The following ACP2 variants were observed in gnomAD, a reference collection of about 807,000 sequenced individuals.
ACP2 encodes the protein lysosomal acid phosphatase.
Under a neutral mutation model 54.7 loss-of-function variants are expected in ACP2, and 35 were observed. The observed-to-expected ratio is 0.64, with a 90% confidence interval of 0.49 to 0.85. The LOEUF is 0.85. Ranked by LOEUF, ACP2 falls within the 40% of genes least tolerant of loss-of-function variation. The probability of loss-of-function intolerance (pLI) is 0.00; values close to 1 mark genes in which losing one functional copy is unlikely to be tolerated. For missense variants in ACP2, 492 were observed against 565.0 expected (o/e 0.87, Z 1.31); for synonymous variants, 210 against 224.4 (o/e 0.94, Z 0.57).
intron 4 of ACP2, 26 bp from the exon 5 acceptor site, chr11:47,245,598 C>G (rs1300167874): frequency 6.2e-7 from 1 of 1,614,216 alleles, no homozygotes; most frequent in African/African-American, 1.3e-5. Flanking sequence ...GGGAAACAGG[C>G]AGCGGGAAAA....
At chr11:47,246,087 T>C (rs1954069935) in intron 3 of ACP2, among the ~76,000 whole-genome samples, 1 of 152,084 alleles carries the variant, frequency 6.6e-6, no homozygotes, top group Non-Finnish European at 1.5e-5. Flanking sequence ...CCACTGGGGG[T>C]TGTCACCACT....
chr11:47,245,316 G>A lies in ACP2; in HGVS notation c.628C>T (p.Leu210Phe). Residue 210 changes from leucine (L) to phenylalanine (F), a missense_variant, in exon 6 of 11, where the codon CTC (leucine) becomes TTC (phenylalanine). Coordinates refer to ENST00000672073, the MANE Select transcript of ACP2 (RefSeq NM_001610.4). The part of the protein sequence containing the change: ...LETVWNVYDT[L>F]FCEQTHGLRL... ...CCTAGTGGGCTCACCTCACAGAAGAGTGTGTCATAGACATTCCAGACGGTC... is the reference window on the plus strand; with the variant it reads ...CCTAGTGGGCTCACCTCACAGAAGAATGTGTCATAGACATTCCAGACGGTC... The A allele has an allele frequency of 6.2e-7, 1 of 1,614,122 alleles. No homozygotes were observed. The highest frequency in any genetic ancestry group is 8.5e-7 in the Non-Finnish European group (1 of 1,180,022).
chr11:47,244,636 G>T, intron 7 of ACP2, 99 bp downstream of exon 7: 3 of 953,882 alleles, frequency 3.1e-6, no homozygotes, highest in Non-Finnish European at 4.5e-6. Flanking sequence ...AGCAGGGAGT[G>T]TTTCAGTAGA....
intron 1 of ACP2, chr11:47,248,389 TG>T (rs771756838): frequency 5.4e-6 from 8 of 1,488,466 alleles, no homozygotes; most frequent in Admixed American, 2.0e-5. Flanking sequence ...AAGCAACGTA[TG>T]TGGTGGGGAC....
Position 47,242,839 on chromosome 11 carries a change from C to T in ACP2, c.1022G>A (p.Ser341Asn), listed in dbSNP as rs1471614978. The part of the protein sequence containing the change: ...NESDKAPWPL[S>N]LPGCPHRCPL... ...GCAGCGGTGAGGGCAGCCAGGCAGG[C>T]TGAGCGGCCAGGGGGCCTTGTCACT... is the stretch of plus-strand genomic sequence containing the variant. The change falls in exon 10 of 11, where the codon AGC becomes AAC. Residue 341 changes from serine to asparagine, a missense_variant. Coordinates refer to ENST00000672073, the MANE Select transcript of ACP2 (RefSeq NM_001610.4). 6.2e-7 allele frequency: 1 copy of T among 1,614,096 alleles called. No individual in the cohort carries two copies. Among genetic ancestry groups the T allele is most frequent in the Admixed American group, 1.7e-5 (1 of 60,020 alleles).
intron 3 of ACP2, 134 bp from the exon 4 acceptor site, chr11:47,245,968 G>A: frequency 2.9e-6 from 4 of 1,383,062 alleles, no homozygotes; most frequent in Non-Finnish European, 3.8e-6. Flanking sequence ...CCCCAAAGTG[G>A]AGCCCCAGAG....
chr11:47,244,959 T>C, intron 6 of ACP2, 92 bp from the exon 7 acceptor site: 1 of 1,480,802 alleles, frequency 6.8e-7, no homozygotes, highest in South Asian at 1.3e-5. Flanking sequence ...TGCCTGTGTG[T>C]GTGAGGGAGG....
Position 47,247,681 on chromosome 11 carries a change from C to T in ACP2, c.257G>A (p.Arg86His), listed in dbSNP as rs367900188. The T allele has an allele frequency of 2.8e-5, 46 of 1,614,050 alleles. No individual in the cohort carries two copies. The Middle Eastern group carries it at 5.0e-4, about 18-fold the overall frequency. ...HWELGQALRQ[R>H]YHGFLNTSYH... ...AGAGGTGTTTAGGAAGCCGTGATAGCGCTGCCGCAGGGCCTGGCCCAGTTC... is the reference window on the plus strand; with the variant it reads ...AGAGGTGTTTAGGAAGCCGTGATAGTGCTGCCGCAGGGCCTGGCCCAGTTC... The change falls in exon 3 of 11, where the codon CGC becomes CAC. Residue 86 changes from arginine (R) to histidine (H), a missense_variant. Transcript: ENST00000672073.
At position 47,246,195 on chromosome 11, in the gene ACP2, A is replaced by G. The variant is rs1313584266; in HGVS notation, c.298-361T>C. Among the ~76,000 whole-genome samples the G allele has an allele frequency of 3.3e-5, 5 of 152,306 alleles. No individual in the cohort carries two copies. The East Asian group carries it at 7.7e-4, about 24-fold the overall frequency. ...AAGGCTCTCTGGTCTGTCTGGTTTC[A>G]TAACAACACCTCTCTCCCTGTCTAG... On this transcript the variant is annotated intron_variant, in intron 3 of 10. Coordinates refer to ENST00000672073, the MANE Select transcript of ACP2 (RefSeq NM_001610.4).
chr11:47,244,693 G>T, intron 7 of ACP2, 42 bp downstream of exon 7: 1 of 1,503,996 alleles, frequency 6.6e-7, no homozygotes, highest in South Asian at 1.2e-5. Context: ...TAACGCCTTA[G>T]GGTCCTGAGG....
At position 47,240,009 on chromosome 11, in the gene ACP2, G is replaced by T; in HGVS notation, c.*107C>A. On this transcript the variant is annotated 3_prime_UTR_variant, in exon 11 of 11. Transcript: ENST00000672073. ...CATCTGGCTGGGGTCATCAGAGGGA[G>T]GCCCAACCCAGGATCTCCTGTCCAT... The T allele has an allele frequency of 7.7e-6, 10 of 1,301,490 alleles. No individual in the cohort carries two copies. The South Asian group carries it at 1.3e-4, about 17-fold the overall frequency. 80.6% of individuals were successfully genotyped at this position (1,301,490 alleles called of 1,614,324 possible).
intron 5 of ACP2, 25 bp downstream of exon 5, chr11:47,245,449 G>A (rs2135533562): frequency 1.2e-6 from 2 of 1,614,216 alleles, no homozygotes; most frequent in Non-Finnish European, 1.7e-6. Flanking sequence ...ACAGCGTGGT[G>A]AGCTGCACCT....
Position 47,245,059 on chromosome 11 carries a change from A to G in ACP2, c.640-192T>C, listed in dbSNP as rs1954015359. On this transcript the variant is annotated intron_variant, in intron 6 of 10. Coordinates refer to ENST00000672073, the MANE Select transcript of ACP2 (RefSeq NM_001610.4). ...GCACAGGAAAGGAAGCTCAGGCACA[A>G]AAAGTGAGACTCAGCAGAAAGGAGC... is the stretch of plus-strand genomic sequence containing the variant. 3 of 1,122,604 alleles carry G rather than the reference A, an allele frequency of 2.7e-6. No homozygotes were observed. The Admixed American group carries it at 6.6e-5, about 25-fold the overall frequency. The allele number at this position is 1,122,604 out of a possible 1,614,324, so 69.5% of individuals were successfully genotyped here. A position where few individuals can be genotyped will look rare whatever the true frequency, so the allele number is the denominator to read the frequency against.
chr11:47,246,185 G>C (rs1310269351), intron 3 of ACP2, among the ~76,000 whole-genome samples: 2 of 152,178 alleles, frequency 1.3e-5, no homozygotes, highest in Non-Finnish European at 2.9e-5. Flanking sequence ...TCTCTGGTCT[G>C]TCTGGTTTCA....
At chr11:47,245,000 C>T in intron 6 of ACP2, 133 bp from the exon 7 acceptor site, 3 of 1,440,844 alleles carry the variant, frequency 2.1e-6, no homozygotes, top group Non-Finnish European at 2.8e-6. Flanking sequence ...GGGCTGGAAC[C>T]AGTAGACATG....
Position 47,243,219 on chromosome 11 carries a change from T to A in ACP2, c.855+20A>T. On this transcript the variant is annotated intron_variant, in intron 8 of 10. Coordinates refer to ENST00000672073, the MANE Select transcript of ACP2 (RefSeq NM_001610.4). Reference sequence around the variant, plus strand: ...CAGCTCCTTGCCTGACACAGCACGCTAGGGAGCGCAGGCACTCACCGCAGA... The same window carrying A: ...CAGCTCCTTGCCTGACACAGCACGCAAGGGAGCGCAGGCACTCACCGCAGA... 1 of 1,613,834 alleles carries A rather than the reference T, an allele frequency of 6.2e-7. No individual in the cohort carries two copies. The highest frequency in any genetic ancestry group is 1.3e-5 in the African/African-American group (1 of 75,040).
At position 47,243,269 on chromosome 11, in the gene ACP2, G is replaced by A. The variant is rs757428208; in HGVS notation, c.825C>T (p.Ser275=). Residue 275 remains serine, a synonymous_variant, in exon 8 of 11, where the codon TCC becomes TCT. Transcript: ENST00000672073. ...RKNLTLMATT[S]QLPKLLVYSA... ...AGTAAACCAGCAGCTTGGGGAGCTG[G>A]GAGGTGGTCGCCATTAGGGTCAGGT... 1.5e-5 allele frequency: 24 copies of A among 1,614,124 alleles called. No individual in the cohort carries two copies. The highest frequency in any genetic ancestry group is 2.2e-5 in the East Asian group (1 of 44,896).
In ACP2 at chr11:47,247,681, C is replaced by G. The variant is rs367900188; in HGVS notation, c.257G>C (p.Arg86Pro). The G allele has an allele frequency of 6.2e-7, 1 of 1,614,168 alleles. No individual in the cohort carries two copies. The highest frequency in any genetic ancestry group is 8.5e-7 in the Non-Finnish European group (1 of 1,180,050). The change falls in exon 3 of 11, where the codon CGC becomes CCC. Residue 86 changes from arginine (R) to proline (P), a missense_variant. By Grantham distance (103) the Arg-to-Pro change is moderately radical (BLOSUM62 -2). Coordinates refer to ENST00000672073, the MANE Select transcript of ACP2 (RefSeq NM_001610.4). ...AGAGGTGTTTAGGAAGCCGTGATAGCGCTGCCGCAGGGCCTGGCCCAGTTC... is the reference window on the plus strand; with the variant it reads ...AGAGGTGTTTAGGAAGCCGTGATAGGGCTGCCGCAGGGCCTGGCCCAGTTC... The part of the protein sequence containing the change: ...HWELGQALRQ[R>P]YHGFLNTSYH...
intron 1 of ACP2, 87 bp from the exon 2 acceptor site, chr11:47,248,220 G>A (rs1954285335): frequency 4.5e-6 from 6 of 1,323,140 alleles, no homozygotes; most frequent in Non-Finnish European, 6.2e-6. Context: ...TGTTAGGGAA[G>A]GAAGTCTCAT....
Sources: allele counts gnomAD v4.1 joint callset (sites outside exome capture counted in the v4.1 genomes callset), GRCh38; gene constraint gnomAD v4.1.1; transcripts MANE v1.5; gene names NCBI Gene and HGNC (gene_info 2026-07-23, HGNC 2026-07-21).